Variants in GPRC5A observed in about 807,000 individuals in gnomAD.
GPRC5A encodes G protein-coupled receptor class C group 5 member A, also known as retinoic acid-induced protein 3.
GPRC5A carries 19 observed loss-of-function variants against 22.5 expected under a neutral mutation model. That is an observed-to-expected ratio of 0.85 (90% CI 0.59 to 1.24). The LOEUF (loss-of-function observed/expected upper bound fraction) is 1.24. Among genes scored for constraint, GPRC5A ranks in the 50% most tolerant of loss-of-function variants. The pLI, the probability that GPRC5A is intolerant of heterozygous loss-of-function variation, is 0.00. For missense variants in GPRC5A, 471 were observed against 451.1 expected, an observed-to-expected ratio of 1.04 and a Z score of -0.40; for synonymous variants, 192 against 184.5, an observed-to-expected ratio of 1.04 and a Z score of -0.33.
At chr12:12,897,044 T>C (rs7954907) in intron 1 of GPRC5A, among the ~76,000 whole-genome samples, 38,607 of 151,794 alleles carry the variant, frequency 0.25, 6,724 homozygotes, top group African/African-American at 0.49. Flanking sequence ...TTGGCCAACA[T>C]AGCAAAACCC....
intron 3 of GPRC5A, 39 bp downstream of exon 3, chr12:12,912,181 GC>G (rs1864012586): frequency 1.5e-6 from 2 of 1,372,830 alleles, no homozygotes; most frequent in East Asian, 4.6e-5. Context: ...AAAGGCATTA[GC>G]ACCTCAGGAA....
chr12:12,904,889 T>TC (rs1212706645), intron 1 of GPRC5A, among the ~76,000 whole-genome samples: 3 of 147,546 alleles, frequency 2.0e-5, no homozygotes, highest in Non-Finnish European at 4.5e-5. Context: ...TTGTGGTTTT[T>TC]TTTTTTTTTT....
At chr12:12,891,839 ATTT>A (rs11290504) in intron 1 of GPRC5A, 175 bp downstream of exon 1, 8,254 of 145,306 alleles carry the variant, frequency 0.057, 785 homozygotes, top group African/African-American at 0.2. Flanking sequence ...AACAACTCAG[ATTT>A]TTTTTTTTTT....
intron 1 of GPRC5A, among the ~76,000 whole-genome samples, chr12:12,893,802 G>T (rs1445093773): frequency 6.6e-6 from 1 of 152,284 alleles, no homozygotes; most frequent in South Asian, 2.1e-4. Context: ...TGCCCAGGCT[G>T]GAGCGCAGTG....
At chr12:12,900,464 C>T (rs918311799) in intron 1 of GPRC5A, among the ~76,000 whole-genome samples, 2 of 152,146 alleles carry the variant, frequency 1.3e-5, no homozygotes, top group African/African-American at 4.8e-5. Context: ...AGCTGAAACC[C>T]CTTCTCCCTA....
In GPRC5A at chr12:12,914,549, C is replaced by CTTTCTTTCTTTCTTTCTTTCT. The variant is rs371632945; in HGVS notation, c.*2012_*2013insTCTTTCTTTCTTTCTTTCTTT. The CTTTCTTTCTTTCTTTCTTTCT allele has an allele frequency of 9.9e-5, 5 of 50,534 alleles. No individual in the cohort carries two copies. The highest frequency in any genetic ancestry group is 1.8e-4 in the Non-Finnish European group (5 of 28,474). The allele number at this position is 50,534 out of a possible 1,614,324, so 3.1% of individuals were successfully genotyped here. On this transcript the variant is annotated 3_prime_UTR_variant, in exon 4 of 4. Transcript: ENST00000014914. ...CTCTCTTTCCTTCCTTCCTTCCTTT[C>CTTTCTTTCTTTCTTTCTTTCT]TTCTTTCTTTCTTTCTTTCTTTCTT...
rs1432790020 is a variant in GPRC5A at position 12,916,137 on chromosome 12, A to AT, written c.*3600dup. 14 of 174,470 alleles carry AT rather than the reference A, an allele frequency of 8.0e-5. No individual in the cohort carries two copies. The Admixed American group carries it at 8.8e-4, about 11-fold the overall frequency. 10.8% of individuals were successfully genotyped at this position (174,470 alleles called of 1,614,324 possible). Reference sequence around the variant, plus strand: ...ACATCTGAGAATCAAACTGGAGAACATTCCGAAGCCGTTCTTATAAGTGTC... The same window carrying AT: ...ACATCTGAGAATCAAACTGGAGAACATTTCCGAAGCCGTTCTTATAAGTGTC... On this transcript the variant is annotated 3_prime_UTR_variant, in exon 4 of 4. Coordinates refer to ENST00000014914, the MANE Select transcript of GPRC5A (RefSeq NM_003979.4).
At chr12:12,892,258 G>A (rs528091541) in intron 1 of GPRC5A, among the ~76,000 whole-genome samples, 2 of 151,310 alleles carry the variant, frequency 1.3e-5, no homozygotes, top group Admixed American at 1.3e-4. Flanking sequence ...AAAGTTGAAT[G>A]TGCGCTGAGA....
At chr12:12,892,657 G>A (rs890219610) in intron 1 of GPRC5A, among the ~76,000 whole-genome samples, 1 of 152,012 alleles carries the variant, frequency 6.6e-6, no homozygotes, top group African/African-American at 2.4e-5. Flanking sequence ...GTGAGCCCCC[G>A]CGCCCGGCCA....
intron 1 of GPRC5A, among the ~76,000 whole-genome samples, chr12:12,893,439 A>G (rs1165477341): frequency 6.6e-6 from 1 of 152,228 alleles, no homozygotes; most frequent in Non-Finnish European, 1.5e-5. Context: ...GGTATAGTAA[A>G]CAATAAATTG....
intron 1 of GPRC5A, among the ~76,000 whole-genome samples, chr12:12,904,900 T>C (rs1863925625): frequency 6.7e-6 from 1 of 150,134 alleles, no homozygotes; most frequent in Non-Finnish European, 1.5e-5. Context: ...TTTTTTTTTT[T>C]TTTGAGATGG....
At chr12:12,912,056 T>C in intron 2 of GPRC5A, 28 bp from the exon 3 acceptor site, 1 of 1,570,802 alleles carries the variant, frequency 6.4e-7, no homozygotes, top group African/African-American at 1.4e-5. Context: ...GCCCCAGTGG[T>C]TTAATTTCTC....
chr12:12,913,644 G>A lies in GPRC5A; in HGVS notation c.*1105G>A, dbSNP rs1864030903. 1 of 152,322 alleles carries A rather than the reference G, an allele frequency of 6.6e-6. No individual in the cohort carries two copies. The highest frequency in any genetic ancestry group is 2.4e-5 in the African/African-American group (1 of 41,578). The allele number at this position is 152,322 out of a possible 1,614,324, so 9.4% of individuals were successfully genotyped here. A position where few individuals can be genotyped will look rare whatever the true frequency, so the allele number is the denominator to read the frequency against. ...AAGATGTGGTGGCCACTCTTTCATG[G>A]TGGTGGCAGCAGTTACCAGTAATGA... On this transcript the variant is annotated 3_prime_UTR_variant, in exon 4 of 4. Coordinates refer to ENST00000014914, the MANE Select transcript of GPRC5A (RefSeq NM_003979.4).
At chr12:12,896,459 T>C (rs1863823586) in intron 1 of GPRC5A, among the ~76,000 whole-genome samples, 1 of 152,226 alleles carries the variant, frequency 6.6e-6, no homozygotes, top group Non-Finnish European at 1.5e-5. Flanking sequence ...GCTTTGCATT[T>C]ATAAATAATC....
Position 12,908,608 on chromosome 12 carries a change from C to G in GPRC5A, c.359C>G (p.Thr120Ser). Reference sequence around the variant, plus strand: ...CTGCTGGCTCATGCTGTCAGTCTGACCAAGCTCGTCCGGGGGAGGAAGCCC... The same window carrying G: ...CTGCTGGCTCATGCTGTCAGTCTGAGCAAGCTCGTCCGGGGGAGGAAGCCC... ...SCLLAHAVSL[T>S]KLVRGRKPLS... The change falls in exon 2 of 4, where the codon ACC becomes AGC. Residue 120 changes from threonine to serine, a missense_variant. Coordinates refer to ENST00000014914, the MANE Select transcript of GPRC5A (RefSeq NM_003979.4). 1 of 1,614,058 alleles carries G rather than the reference C, an allele frequency of 6.2e-7. No individual in the cohort carries two copies. The highest frequency in any genetic ancestry group is 8.5e-7 in the Non-Finnish European group (1 of 1,179,930).
At chr12:12,909,254 T>C in intron 2 of GPRC5A, 83 bp downstream of exon 2, 1 of 1,005,512 alleles carries the variant, frequency 9.9e-7, no homozygotes, top group Non-Finnish European at 1.5e-6. Context: ...GTAAGGAACA[T>C]GCAAGATTTT....
intron 1 of GPRC5A, among the ~76,000 whole-genome samples, chr12:12,900,891 C>CAAAAAAAAAAAAAAAAAAA (rs756416857): frequency 4.6e-5 from 1 of 21,660 alleles, no homozygotes; most frequent in African/African-American, 1.7e-4. Context: ...AACTCCGTCT[C>CAAAAAAAAAAAAAAAAAAA]AAAAAAAAAA....
At chr12:12,896,523 C>T (rs1181984948) in intron 1 of GPRC5A, among the ~76,000 whole-genome samples, 1 of 152,168 alleles carries the variant, frequency 6.6e-6, no homozygotes, top group African/African-American at 2.4e-5. Context: ...AAGAACTCAG[C>T]CTGGGTAGAA....
rs1316064842 is a variant in GPRC5A at position 12,914,643 on chromosome 12, T to C, written c.*2104T>C. The C allele has an allele frequency of 6.7e-6, 1 of 150,010 alleles. No individual in the cohort carries two copies. The highest frequency in any genetic ancestry group is 2.5e-5 in the African/African-American group (1 of 40,492). 9.3% of individuals were successfully genotyped at this position (150,010 alleles called of 1,614,324 possible). On this transcript the variant is annotated 3_prime_UTR_variant, in exon 4 of 4. Coordinates refer to ENST00000014914, the MANE Select transcript of GPRC5A (RefSeq NM_003979.4). Reference sequence around the variant, plus strand: ...TTCTTTCTTTCTTTTTGAGATAGAGTCTCACTCTGTCATCCAGGCTGGAGT... The same window carrying C: ...TTCTTTCTTTCTTTTTGAGATAGAGCCTCACTCTGTCATCCAGGCTGGAGT...
Sources: allele counts gnomAD v4.1 joint callset (sites outside exome capture counted in the v4.1 genomes callset), GRCh38; gene constraint gnomAD v4.1.1; transcripts MANE v1.5; gene names NCBI Gene and HGNC (gene_info 2026-07-23, HGNC 2026-07-21).